The following LYAR variants were observed in gnomAD, a reference collection of about 807,000 sequenced individuals.
The protein encoded by LYAR is cell growth-regulating nucleolar protein.
A neutral mutation model predicts 45.2 loss-of-function variants in LYAR; 37 were observed. The observed-to-expected ratio is 0.82, with a 90% confidence interval of 0.63 to 1.08. The LOEUF is 1.08. LYAR is among the 50% of genes least tolerant of loss of function. LYAR has a pLI of 0.00. For missense variants in LYAR, 493 were observed against 451.0 expected (o/e 1.09, Z -0.84); for synonymous variants, 176 against 155.1 (o/e 1.14, Z -1.00).
intron 8 of LYAR, among the ~76,000 whole-genome samples, chr4:4,272,857 A>G (rs1217724744): frequency 3.9e-5 from 6 of 152,170 alleles, no homozygotes; most frequent in African/African-American, 1.4e-4. Context: ...CCTGTTCTGA[A>G]CTGCAGGATC....
rs1404727291 is a variant in LYAR at position 4,279,352 on chromosome 4, G to A, written c.429+95C>T. On this transcript the variant is annotated intron_variant, in intron 6 of 9. Transcript: ENST00000343470. ...ATCTCAAAAAAATAAAAATAAAAAA[G>A]AAGGCTGCCTTGACTTCCAAAAATA... is the stretch of plus-strand genomic sequence containing the variant. 4 of 842,406 alleles carry A rather than the reference G, an allele frequency of 4.7e-6. No individual in the cohort carries two copies. The African/African-American group carries it at 5.2e-5, about 11-fold the overall frequency. 52.2% of individuals were successfully genotyped at this position (842,406 alleles called of 1,614,324 possible).
intron 1 of LYAR, 105 bp from the exon 2 acceptor site, chr4:4,286,677 C>A (rs1343247090): frequency 3.3e-5 from 4 of 121,114 alleles, no homozygotes; most frequent in Non-Finnish European, 6.6e-5. Context: ...AAAGGAGTCT[C>A]GCTTTGTCGC....
Position 4,281,912 on chromosome 4 carries a change from A to G in LYAR, c.123-15T>C. ...AGTCATCGCCCCTTTAAAGTGATCA[A>G]AAGTTCTGCCATTAGACTGATACCC... is the stretch of plus-strand genomic sequence containing the variant. On this transcript the variant is annotated splice_polypyrimidine_tract_variant and intron_variant, in intron 3 of 9. Transcript: ENST00000343470. 1 of 1,584,086 alleles carries G rather than the reference A, an allele frequency of 6.3e-7. No individual in the cohort carries two copies.
At chr4:4,282,481 A>G (rs756564149) in intron 3 of LYAR, among the ~76,000 whole-genome samples, 2 of 152,226 alleles carry the variant, frequency 1.3e-5, no homozygotes, top group African/African-American at 2.4e-5. Flanking sequence ...CCTACTTTAT[A>G]TATCAAGCTT....
In LYAR at chr4:4,267,916, T is replaced by C; in HGVS notation, c.1113A>G (p.Leu371=). ...ATTTCACAAGCTTGACTTTGTCCTT[T>C]AATAACTTAAAGGTAGGGTTCTTGC... ...KISKNPTFKL[L]KDKVKLVK is the part of the protein sequence containing the mutation. The change falls in exon 10 of 10, where the codon TTA becomes TTG. Residue 371 remains leucine, a synonymous_variant. Transcript: ENST00000343470. 1.2e-6 allele frequency: 2 copies of C among 1,612,330 alleles called. No individual in the cohort carries two copies. The highest frequency in any genetic ancestry group is 1.7e-6 in the Non-Finnish European group (2 of 1,179,500).
At chr4:4,273,465 T>TACAG (rs977401336) in intron 8 of LYAR, 118 bp downstream of exon 8, 2 of 693,236 alleles carry the variant, frequency 2.9e-6, no homozygotes, top group African/African-American at 3.6e-5. Context: ...CATGGCTCAC[T>TACAG]ACAGCCTCAC....
intron 3 of LYAR, among the ~76,000 whole-genome samples, chr4:4,283,302 C>A (rs1308683048): frequency 6.6e-6 from 1 of 152,180 alleles, no homozygotes; most frequent in African/African-American, 2.4e-5. Context: ...AGGCGCCCAC[C>A]ACCACGCCTG....
chr4:4,271,184 G>A (rs1300598051), intron 8 of LYAR, among the ~76,000 whole-genome samples: 1 of 151,540 alleles, frequency 6.6e-6, no homozygotes, highest in African/African-American at 2.4e-5. Flanking sequence ...CCAGTCTCTG[G>A]TAACCATCCT....
intron 8 of LYAR, among the ~76,000 whole-genome samples, chr4:4,270,570 A>C (rs1278529970): frequency 1.3e-5 from 2 of 151,528 alleles, no homozygotes; most frequent in East Asian, 3.9e-4. Flanking sequence ...AACAACCAAA[A>C]AAACCCCAAA....
intron 8 of LYAR, among the ~76,000 whole-genome samples, chr4:4,272,108 G>A (rs1239239038): frequency 2.0e-5 from 3 of 152,206 alleles, no homozygotes; most frequent in Non-Finnish European, 2.9e-5. Context: ...GTGGCTACAA[G>A]AGGGCAGCAG....
chr4:4,283,423 A>G (rs62289470), intron 3 of LYAR, among the ~76,000 whole-genome samples, 198 bp downstream of exon 3: 10,210 of 152,346 alleles, frequency 0.067, 393 homozygotes, highest in African/African-American at 0.082. Flanking sequence ...TGCTGGGATT[A>G]CAGGCCTGAG....
At chr4:4,271,355 T>A (rs1000893948) in intron 8 of LYAR, among the ~76,000 whole-genome samples, 2 of 152,226 alleles carry the variant, frequency 1.3e-5, no homozygotes, top group African/African-American at 4.8e-5. Flanking sequence ...TCTCATTCTT[T>A]TTATGGCTGA....
rs200310019 is a variant in LYAR at position 4,281,847 on chromosome 4, T to A, written c.173A>T (p.Tyr58Phe). 1.3e-4 allele frequency: 213 copies of A among 1,614,200 alleles called. No homozygotes were observed. The highest frequency in any genetic ancestry group is 1.7e-4 in the Non-Finnish European group (202 of 1,180,012). Residue 58 changes from tyrosine (Y) to phenylalanine (F), a missense_variant, in exon 4 of 10, where the codon TAT (tyrosine) becomes TTT (phenylalanine). Transcript: ENST00000343470. ...TTTACCTTCATAGCCTTTGCCACCA[T>A]ACTTCTGATCTTCACTTATGCATTT... ...HVKCISEDQK[Y>F]GGKGYEGKTH...
intron 8 of LYAR, 166 bp from the exon 9 acceptor site, chr4:4,268,781 G>A: frequency 1.8e-6 from 1 of 563,914 alleles, no homozygotes; most frequent in Non-Finnish European, 3.1e-6. Flanking sequence ...TGTCCTAGAA[G>A]CACTCACTAC....
intron 8 of LYAR, among the ~76,000 whole-genome samples, chr4:4,271,830 G>GAAACCACC (rs1422341598): frequency 2.6e-5 from 4 of 152,164 alleles, no homozygotes; most frequent in African/African-American, 9.7e-5. Context: ...CCAGAGACTA[G>GAAACCACC]AAACCACCCA....
At chr4:4,288,621 G>C (rs1719719851) in intron 1 of LYAR, among the ~76,000 whole-genome samples, 1 of 151,942 alleles carries the variant, frequency 6.6e-6, no homozygotes, top group Non-Finnish European at 1.5e-5. Context: ...CAGTAGCTGG[G>C]ATTACAGGCA....
intron 6 of LYAR, among the ~76,000 whole-genome samples, chr4:4,278,484 A>G (rs1719276380): frequency 6.6e-6 from 1 of 152,182 alleles, no homozygotes; most frequent in Non-Finnish European, 1.5e-5. Flanking sequence ...TAATTACTTG[A>G]AGGGAATTCT....
intron 8 of LYAR, among the ~76,000 whole-genome samples, chr4:4,273,230 A>G (rs991949481): frequency 6.6e-6 from 1 of 152,224 alleles, no homozygotes; most frequent in Admixed American, 6.5e-5. Context: ...CCTTAAAGAC[A>G]GTGGGTGAGA....
At chr4:4,269,571 G>A (rs1337575601) in intron 8 of LYAR, among the ~76,000 whole-genome samples, 1 of 152,208 alleles carries the variant, frequency 6.6e-6, no homozygotes, top group African/African-American at 2.4e-5. Context: ...GCAGGAGCAA[G>A]AAGTGGCCAT....
Sources: gnomAD v4.1 joint callset for allele counts (sites outside exome capture counted in the v4.1 genomes callset) on GRCh38, gnomAD v4.1.1 for gene constraint, MANE v1.5 for transcripts, NCBI Gene and HGNC (gene_info 2026-07-23, HGNC 2026-07-21) for gene names.